SMC2: variants seen among roughly 807,000 people sequenced by gnomAD.
SMC2 encodes structural maintenance of chromosomes protein 2.
SMC2 carries 41 observed loss-of-function variants against 142.6 expected under a neutral mutation model. The observed-to-expected ratio is 0.29, with a 90% CI of 0.22 to 0.37. SMC2 has a LOEUF of 0.37. Ranked by LOEUF, SMC2 falls within the 10% of genes least tolerant of loss-of-function variation. The pLI is 1.00. For missense variants in SMC2, 1,265 were observed against 1,373.7 expected (o/e 0.92, Z 1.25); for synonymous variants, 463 against 457.5 (o/e 1.01, Z -0.15).
Position 104,129,601 on chromosome 9 carries a change from T to G in SMC2, c.2791-44T>G, listed in dbSNP as rs367874191. The G allele has an allele frequency of 4.9e-5, 72 of 1,456,074 alleles. No homozygotes were observed. The African/African-American group carries it at 9.5e-4, about 19-fold the overall frequency. The allele number at this position is 1,456,074 out of a possible 1,614,324, so 90.2% of individuals were successfully genotyped here. A position where few individuals can be genotyped will look rare whatever the true frequency, so the allele number is the denominator to read the frequency against. ...AGAAACTGGCTTATACATATTGGTT[T>G]GTAAACATTCATAGATCTCCCATCT... On this transcript the variant is annotated intron_variant, in intron 20 of 24. Coordinates refer to ENST00000374793, the MANE Select transcript of SMC2 (RefSeq NM_006444.3).
At chr9:104,113,221 G>T (rs1267330817) in intron 10 of SMC2, 95 bp from the exon 11 acceptor site, 1 of 835,016 alleles carries the variant, frequency 1.2e-6, no homozygotes, top group South Asian at 2.8e-5. Context: ...GAAGGTTAAG[G>T]TCTCTTAGTA....
At chr9:104,093,405 C>A (rs1830108397), upstream of SMC2, among the ~76,000 whole-genome samples, 1 of 152,082 alleles carries the variant, frequency 6.6e-6, no homozygotes, top group South Asian at 2.1e-4. Flanking sequence ...CGCCTGGGAA[C>A]AAATCCCAGC....
chr9:104,127,322 C>G lies in SMC2; in HGVS notation c.2632C>G (p.Gln878Glu). Residue 878 changes from glutamine to glutamate, a missense_variant, in exon 20 of 25, where the codon CAA (glutamine) becomes GAA (glutamate). Coordinates refer to ENST00000374793, the MANE Select transcript of SMC2 (RefSeq NM_006444.3). Reference sequence around the variant, plus strand: ...TAAAGCTCAAGAAGAGGTGACCAAGCAAAAAGAGGTGATAACAGCCCAAGA... The same window carrying G: ...TAAAGCTCAAGAAGAGGTGACCAAGGAAAAAGAGGTGATAACAGCCCAAGA... ...VNKAQEEVTK[Q>E]KEVITAQDTV... The G allele has an allele frequency of 1.3e-6, 2 of 1,595,202 alleles. No homozygotes were observed. Among genetic ancestry groups the G allele is most frequent in the South Asian group, 2.3e-5 (2 of 87,654 alleles).
rs149445715 is a variant in SMC2, at chr9:104,098,302, C to T, written c.319-144C>T. On this transcript the variant is annotated intron_variant, in intron 3 of 24. Transcript: ENST00000374793. Reference sequence around the variant, plus strand: ...CTCAAGTTAGCGTTTTTGACCATGTCATACTTGTTCCACTATTTATGCAGA... The same window carrying T: ...CTCAAGTTAGCGTTTTTGACCATGTTATACTTGTTCCACTATTTATGCAGA... 196 of 600,440 alleles carry T rather than the reference C, an allele frequency of 3.3e-4. No homozygotes were observed. In the African/African-American group the frequency reaches 3.5e-3, roughly 11 times the overall value. The allele number at this position is 600,440 out of a possible 1,614,324, so 37.2% of individuals were successfully genotyped here.
Position 104,124,896 on chromosome 9 carries a change from T to G in SMC2, c.2258-16T>G. The G allele has an allele frequency of 6.4e-7, 1 of 1,566,618 alleles. No individual in the cohort carries two copies. Among genetic ancestry groups the G allele is most frequent in the Non-Finnish European group, 8.6e-7 (1 of 1,166,136 alleles). On this transcript the variant is annotated splice_polypyrimidine_tract_variant and intron_variant, in intron 17 of 24. Transcript: ENST00000374793. ...CCATTGTTAACTTAGCCACATTTGC[T>G]TACTTTGTGATGCAGAGGAAAGTGA...
At chr9:104,126,564 A>C (rs1834312468) in intron 18 of SMC2, 77 bp from the exon 19 acceptor site, 2 of 1,077,614 alleles carry the variant, frequency 1.9e-6, no homozygotes, top group Non-Finnish European at 2.6e-6. Flanking sequence ...ATTATTATTT[A>C]TTTAATTGTT....
chr9:104,090,790 G>C (rs1829973436), upstream of SMC2, among the ~76,000 whole-genome samples: 2 of 152,180 alleles, frequency 1.3e-5, no homozygotes, highest in Non-Finnish European at 2.9e-5. Context: ...GTAAGAGTCA[G>C]TGGAGGTCGT....
rs1249796919 is a variant in SMC2 at position 104,132,137 on chromosome 9, G to A, written c.3108+12G>A. ...TTGCATGGCAAAAGGTACTTTTTAT[G>A]TTTGTTTTATATGAGGTTGCAAGGA... On this transcript the variant is annotated intron_variant, in intron 22 of 24. Transcript: ENST00000374793. 1 of 1,373,504 alleles carries A rather than the reference G, an allele frequency of 7.3e-7. No individual in the cohort carries two copies. The highest frequency in any genetic ancestry group is 1.0e-6 in the Non-Finnish European group (1 of 973,214). The allele number at this position is 1,373,504 out of a possible 1,614,324, so 85.1% of individuals were successfully genotyped here.
rs1344838318 is a variant in SMC2, at chr9:104,094,351, G to T, written c.-188G>T. 9 of 398,826 alleles carry T rather than the reference G, an allele frequency of 2.3e-5. No homozygotes were observed. The East Asian group carries it at 3.2e-4, about 14-fold the overall frequency. The allele number at this position is 398,826 out of a possible 1,614,324, so 24.7% of individuals were successfully genotyped here. A position where few individuals can be genotyped will look rare whatever the true frequency, so the allele number is the denominator to read the frequency against. On this transcript the variant is annotated 5_prime_UTR_variant, in exon 1 of 25. Coordinates refer to ENST00000374793, the MANE Select transcript of SMC2 (RefSeq NM_006444.3). ...CGGCGCGGGTGTTGAGAGCGGTGTG[G>T]CAGGTGTTGTAGCCGCTATGGTGAA...
chr9:104,132,280 T>C (rs987161557), intron 22 of SMC2, among the ~76,000 whole-genome samples, 155 bp downstream of exon 22: 2 of 152,162 alleles, frequency 1.3e-5, no homozygotes, highest in African/African-American at 4.8e-5. Flanking sequence ...AATGCATTTT[T>C]TTCTTTTTGA....
chr9:104,113,207 C>T (rs1832688448), intron 10 of SMC2, 109 bp from the exon 11 acceptor site: 1 of 709,700 alleles, frequency 1.4e-6, no homozygotes, highest in African/African-American at 1.8e-5. Flanking sequence ...AACAATTAAA[C>T]TTTGAAGGTT....
intron 20 of SMC2, among the ~76,000 whole-genome samples, chr9:104,128,163 TA>T (rs1253470956): frequency 3.3e-5 from 5 of 152,212 alleles, no homozygotes; most frequent in Admixed American, 2.6e-4. Flanking sequence ...ATGTCCAGGA[TA>T]TTTTTTTTTA....
At chr9:104,098,376 A>G in intron 3 of SMC2, 70 bp from the exon 4 acceptor site, 1 of 1,283,310 alleles carries the variant, frequency 7.8e-7, no homozygotes, top group Non-Finnish European at 1.1e-6. Context: ...ACGTAAGCTA[A>G]TATACTTAGT....
chr9:104,102,671 T>C, intron 9 of SMC2, 98 bp downstream of exon 9: 1 of 1,265,680 alleles, frequency 7.9e-7, no homozygotes, highest in Non-Finnish European at 1.1e-6. Context: ...GTGAGTGTCT[T>C]CTATAAGCTA....
chr9:104,107,941 G>A (rs546916587), intron 9 of SMC2, among the ~76,000 whole-genome samples: 1 of 152,148 alleles, frequency 6.6e-6, no homozygotes, highest in South Asian at 2.1e-4. Context: ...TAGGTGGCAG[G>A]CCGGGTTGGA....
chr9:104,100,712 G>C (rs1215508076), intron 7 of SMC2, among the ~76,000 whole-genome samples: 2 of 152,146 alleles, frequency 1.3e-5, no homozygotes. Flanking sequence ...GATTTTCCTA[G>C]TTAGTTAGCA....
At chr9:104,131,302 T>A (rs1242590040) in intron 21 of SMC2, among the ~76,000 whole-genome samples, 1 of 152,140 alleles carries the variant, frequency 6.6e-6, no homozygotes, top group Non-Finnish European at 1.5e-5. Context: ...AGTGAGTTTA[T>A]TATGTTCAAA....
At chr9:104,114,858 A>T (rs1434700540) in intron 13 of SMC2, 29 bp downstream of exon 13, 2 of 1,572,804 alleles carry the variant, frequency 1.3e-6, no homozygotes, top group Non-Finnish European at 1.7e-6. Context: ...TAAAAAATTT[A>T]AAATTTGGTT....
intron 2 of SMC2, among the ~76,000 whole-genome samples, chr9:104,095,761 C>T (rs1427825061): frequency 2.0e-5 from 3 of 152,234 alleles, no homozygotes; most frequent in Admixed American, 6.5e-5. Context: ...TGCCTCAAAA[C>T]TCAGGCATTC....
Sources: gnomAD v4.1 joint callset for allele counts (sites outside exome capture counted in the v4.1 genomes callset) on GRCh38, gnomAD v4.1.1 for gene constraint, MANE v1.5 for transcripts, NCBI Gene and HGNC (gene_info 2026-07-23, HGNC 2026-07-21) for gene names.